GLIS1: variants seen among roughly 807,000 people sequenced by gnomAD.
GLIS1 encodes GLIS family zinc finger 1.
GLIS1 carries 24 observed loss-of-function variants against 63.8 expected under a neutral mutation model. The ratio of observed to expected loss-of-function variants is 0.38; its 90% CI spans 0.27 to 0.53. The LOEUF (loss-of-function observed/expected upper bound fraction) is 0.53. GLIS1 is among the 20% of genes least tolerant of loss of function. The pLI is 0.85. For synonymous variants in GLIS1, 450 were observed against 482.5 expected, an observed-to-expected ratio of 0.93 and a Z score of 0.88; for missense variants, 1,036 against 1,074.1, an observed-to-expected ratio of 0.96 and a Z score of 0.50.
At chr1:53,694,178 C>T (rs1646439695) in intron 2 of GLIS1, among the ~76,000 whole-genome samples, 1 of 152,026 alleles carries the variant, frequency 6.6e-6, no homozygotes, top group South Asian at 2.1e-4. Flanking sequence ...CTAGGATGGC[C>T]CTGAATGAGT....
At chr1:53,676,748 C>G (rs1646216986) in intron 2 of GLIS1, among the ~76,000 whole-genome samples, 2 of 152,190 alleles carry the variant, frequency 1.3e-5, no homozygotes, top group African/African-American at 4.8e-5. Flanking sequence ...GAAGCACCCT[C>G]CACCCTGACC....
intron 4 of GLIS1, among the ~76,000 whole-genome samples, chr1:53,592,198 G>A (rs1005822564): frequency 6.6e-6 from 1 of 152,192 alleles, no homozygotes; most frequent in Admixed American, 6.5e-5. Context: ...AGGCCCCTCT[G>A]ACCCCTCGCT....
chr1:53,694,981 C>T (rs1646449558), intron 2 of GLIS1, among the ~76,000 whole-genome samples: 1 of 152,182 alleles, frequency 6.6e-6, no homozygotes. Context: ...GGCTCACTAC[C>T]TCCCCAGACA....
At chr1:53,681,442 T>C (rs556123301) in intron 2 of GLIS1, among the ~76,000 whole-genome samples, 1 of 152,218 alleles carries the variant, frequency 6.6e-6, no homozygotes, top group Non-Finnish European at 1.5e-5. Flanking sequence ...AGGGATATAC[T>C]GGCTGGAGCC....
intron 2 of GLIS1, among the ~76,000 whole-genome samples, chr1:53,700,407 G>A (rs562995735): frequency 5.9e-5 from 9 of 152,302 alleles, no homozygotes; most frequent in Middle Eastern, 6.8e-3. Context: ...TTCTTCCTGT[G>A]ACAGCATCTG....
chr1:53,631,719 C>T (rs1645653792), intron 2 of GLIS1, among the ~76,000 whole-genome samples: 1 of 151,694 alleles, frequency 6.6e-6, no homozygotes, highest in Admixed American at 6.6e-5. Flanking sequence ...ATGGGGTGTT[C>T]AGGGAAGGCC....
intron 2 of GLIS1, among the ~76,000 whole-genome samples, chr1:53,620,603 G>C (rs1412945607): frequency 6.6e-6 from 1 of 152,262 alleles, no homozygotes; most frequent in Non-Finnish European, 1.5e-5. Context: ...CGCAGCTCCA[G>C]GTGGCTCACT....
At chr1:53,691,687 C>T (rs986479945) in intron 2 of GLIS1, among the ~76,000 whole-genome samples, 8 of 152,190 alleles carry the variant, frequency 5.3e-5, no homozygotes, top group African/African-American at 1.7e-4. Flanking sequence ...CATACACTGG[C>T]CGAGCTTCGG....
intron 6 of GLIS1, among the ~76,000 whole-genome samples, chr1:53,521,292 A>G: frequency 6.6e-6 from 1 of 152,236 alleles, no homozygotes; most frequent in East Asian, 1.9e-4. Context: ...GCACCGGTGA[A>G]TGGACGCGGT....
intron 2 of GLIS1, among the ~76,000 whole-genome samples, chr1:53,728,944 A>G (rs1646831848): frequency 6.6e-6 from 1 of 152,222 alleles, no homozygotes. Context: ...AGCATGTACC[A>G]AGAACTATCT....
rs1196175355 is a variant in GLIS1, at chr1:53,509,295, C to T, written c.2063-8G>A. On this transcript the variant is annotated splice_region_variant and splice_polypyrimidine_tract_variant and intron_variant, in intron 9 of 10. Coordinates refer to ENST00000628545, the MANE Select transcript of GLIS1 (RefSeq NM_001367484.1). ...GGAAACTGCCCTGGTAACCTGCAGACGGGGGTAGCAGGGGCCGCGTTCACA... is the reference window on the plus strand; with the variant it reads ...GGAAACTGCCCTGGTAACCTGCAGATGGGGGTAGCAGGGGCCGCGTTCACA... The T allele has an allele frequency of 7.7e-5, 120 of 1,562,472 alleles. No homozygotes were observed. Among genetic ancestry groups the T allele is most frequent in the Non-Finnish European group, 9.1e-5 (105 of 1,148,716 alleles).
intron 2 of GLIS1, among the ~76,000 whole-genome samples, chr1:53,709,838 T>C (rs1484070833): frequency 6.6e-6 from 1 of 152,124 alleles, no homozygotes; most frequent in Non-Finnish European, 1.5e-5. Context: ...GATATGGATG[T>C]TCACACAGAC....
chr1:53,553,133 T>C (rs1169563082), intron 4 of GLIS1, among the ~76,000 whole-genome samples: 2 of 152,172 alleles, frequency 1.3e-5, no homozygotes, highest in African/African-American at 2.4e-5. Context: ...AAGATGTAGA[T>C]GAACCCCATC....
chr1:53,683,093 G>T (rs1646292928), intron 2 of GLIS1, among the ~76,000 whole-genome samples: 1 of 152,250 alleles, frequency 6.6e-6, no homozygotes, highest in Admixed American at 6.5e-5. Context: ...TGAGGCAGAA[G>T]GTGGCACCGT....
intron 2 of GLIS1, among the ~76,000 whole-genome samples, chr1:53,611,982 T>C (rs1645428732): frequency 6.6e-6 from 1 of 151,570 alleles, no homozygotes. Context: ...TACAGGCCCA[T>C]ACCACCATGG....
chr1:53,562,525 C>A (rs1201550473), intron 4 of GLIS1, among the ~76,000 whole-genome samples: 1 of 152,158 alleles, frequency 6.6e-6, no homozygotes, highest in Non-Finnish European at 1.5e-5. Flanking sequence ...CGAACTGGCT[C>A]AACATCACCT....
chr1:53,590,210 T>C (rs2100519277), intron 4 of GLIS1, among the ~76,000 whole-genome samples: 1 of 152,280 alleles, frequency 6.6e-6, no homozygotes, highest in South Asian at 2.1e-4. Context: ...AGTACTATTA[T>C]TACTCCATTT....
intron 2 of GLIS1, among the ~76,000 whole-genome samples, chr1:53,683,584 G>A (rs1256349803): frequency 6.6e-6 from 1 of 152,116 alleles, no homozygotes; most frequent in African/African-American, 2.4e-5. Context: ...CACTGTGTCT[G>A]GCACACAGCA....
At chr1:53,595,118 G>C (rs1430289134) in intron 3 of GLIS1, 128 bp from the exon 4 acceptor site, 1 of 740,714 alleles carries the variant, frequency 1.4e-6, no homozygotes, top group Non-Finnish European at 1.9e-6. Context: ...CAGAGGCTGA[G>C]GGCTAGAGGC....
Sources: gnomAD v4.1 joint callset for allele counts (sites outside exome capture counted in the v4.1 genomes callset) on GRCh38, gnomAD v4.1.1 for gene constraint, MANE v1.5 for transcripts, NCBI Gene and HGNC (gene_info 2026-07-23, HGNC 2026-07-21) for gene names.